Variants in ARHGAP31 observed in about 807,000 individuals in gnomAD.
ARHGAP31 encodes the protein Rho GTPase activating protein 31.
Under a neutral mutation model 113.9 loss-of-function variants are expected in ARHGAP31, and 34 were observed. The ratio of observed to expected loss-of-function variants is 0.30; its 90% CI spans 0.23 to 0.40. ARHGAP31 has a LOEUF of 0.40. Among genes scored for constraint, ARHGAP31 ranks in the 10% least tolerant of loss-of-function variants. The pLI, the probability that ARHGAP31 is intolerant of heterozygous loss-of-function variation, is 1.00. For missense variants in ARHGAP31, 1,548 were observed against 1,767.1 expected (o/e 0.88, Z 2.22); for synonymous variants, 650 against 684.8 (o/e 0.95, Z 0.79).
intron 1 of ARHGAP31, among the ~76,000 whole-genome samples, chr3:119,306,276 CG>C (rs1353567964): frequency 6.6e-6 from 1 of 151,910 alleles, no homozygotes; most frequent in African/African-American, 2.4e-5. Context: ...CAAATGGGGC[CG>C]GGTGTGGTGG....
intron 3 of ARHGAP31, among the ~76,000 whole-genome samples, chr3:119,374,362 A>G (rs564741459): frequency 1.3e-5 from 2 of 152,202 alleles, no homozygotes; most frequent in Admixed American, 1.3e-4. Flanking sequence ...GCCTTCCACC[A>G]TGACTGTTAG....
In ARHGAP31 at chr3:119,383,126, C is replaced by A; in HGVS notation, c.582C>A (p.Ala194=). 2 of 1,614,214 alleles carry A rather than the reference C, an allele frequency of 1.2e-6. No homozygotes were observed. Among genetic ancestry groups the A allele is most frequent in the Non-Finnish European group, 8.5e-7 (1 of 1,180,046 alleles). Residue 194 remains alanine, a synonymous_variant, in exon 6 of 12, where the codon GCC becomes GCA. Coordinates refer to ENST00000264245, the MANE Select transcript of ARHGAP31 (RefSeq NM_020754.4). ...CCACTGGTTGCAATGGAGATGCAGC[C>A]TTCCTTGCAGTCCGGGTCCAGCAGG... ...IEATGCNGDA[A]FLAVRVQQVV...
intron 8 of ARHGAP31, among the ~76,000 whole-genome samples, chr3:119,397,728 G>A (rs1271284604): frequency 1.3e-5 from 2 of 152,174 alleles, no homozygotes; most frequent in African/African-American, 4.8e-5. Context: ...GAAGAACAGG[G>A]GAACTTTAAA....
intron 1 of ARHGAP31, among the ~76,000 whole-genome samples, chr3:119,337,358 G>T (rs1388169952): frequency 6.6e-6 from 1 of 152,218 alleles, no homozygotes. Flanking sequence ...CCTCCCGGTG[G>T]CTTCATGCTC....
intron 1 of ARHGAP31, among the ~76,000 whole-genome samples, chr3:119,317,271 T>C (rs1027523117): frequency 1.3e-5 from 2 of 152,004 alleles, no homozygotes; most frequent in African/African-American, 2.4e-5. Flanking sequence ...CTCCGCCTCC[T>C]GGGTTCACGC....
rs958306638 is a variant in ARHGAP31, at chr3:119,313,173, C to T, written c.100+18169C>T. On this transcript the variant is annotated intron_variant, in intron 1 of 11. Transcript: ENST00000264245. Reference sequence around the variant, plus strand: ...TTATTGTTGTTTAAAATGTAAAAGACTCTAAAGAGTATAGTAAAAAAATTT... The same window carrying T: ...TTATTGTTGTTTAAAATGTAAAAGATTCTAAAGAGTATAGTAAAAAAATTT... Among the ~76,000 whole-genome samples the T allele has an allele frequency of 1.3e-5, 2 of 152,318 alleles. 1 individual carries two copies. The highest frequency in any genetic ancestry group is 4.1e-4 in the South Asian group (2 of 4,828).
chr3:119,399,835 T>C (rs949274437), intron 9 of ARHGAP31, among the ~76,000 whole-genome samples: 1 of 152,220 alleles, frequency 6.6e-6, no homozygotes, highest in Non-Finnish European at 1.5e-5. Flanking sequence ...TTTGTTGGAG[T>C]AGACGTGTAT....
chr3:119,337,004 CTAA>C (rs1221661552), intron 1 of ARHGAP31, among the ~76,000 whole-genome samples: 2 of 152,258 alleles, frequency 1.3e-5, no homozygotes, highest in South Asian at 2.1e-4. Flanking sequence ...TTTTTATTAC[CTAA>C]TAATATTCTA....
At chr3:119,364,338 T>C (rs1034612004) in intron 1 of ARHGAP31, among the ~76,000 whole-genome samples, 1 of 152,352 alleles carries the variant, frequency 6.6e-6, no homozygotes, top group Admixed American at 6.5e-5. Flanking sequence ...CAGTCTTTTT[T>C]CCTTCGAATT....
rs2080768380 is a variant in ARHGAP31, at chr3:119,415,561, A to T, written c.3632A>T (p.Gln1211Leu). 3 of 1,614,046 alleles carry T rather than the reference A, an allele frequency of 1.9e-6. No homozygotes were observed. The African/African-American group carries it at 4.0e-5, about 22-fold the overall frequency. ...PVIPPKIQYT[Q>L]IPQPLPSQSS... ...ATCCCTCCCAAGATTCAGTACACCC[A>T]GATCCCACAGCCCCTGCCCTCTCAG... Residue 1211 changes from glutamine to leucine, a missense_variant, in exon 12 of 12, where the codon CAG becomes CTG. Physicochemically the swap from Gln to Leu is moderately radical, Grantham distance 113. Transcript: ENST00000264245.
At chr3:119,350,024 A>AT (rs1024499765) in intron 1 of ARHGAP31, among the ~76,000 whole-genome samples, 19 of 152,156 alleles carry the variant, frequency 1.2e-4, no homozygotes, top group African/African-American at 4.1e-4. Flanking sequence ...AGATTTGGTG[A>AT]TTTTTTTTCT....
rs2080772351 is a variant in ARHGAP31, at chr3:119,415,925, T to G, written c.3996T>G (p.Gly1332=). 6.2e-7 allele frequency: 1 copy of G among 1,613,844 alleles called. No individual in the cohort carries two copies. The highest frequency in any genetic ancestry group is 1.7e-5 in the Admixed American group (1 of 59,994). ...LSSKLERPSG[G]SKPFHRSRPG... is the part of the protein sequence containing the mutation. Reference sequence around the variant, plus strand: ...CAAAACTAGAGCGACCATCTGGGGGTTCTAAGCCTTTCCACAGGTCAAGGC... The same window carrying G: ...CAAAACTAGAGCGACCATCTGGGGGGTCTAAGCCTTTCCACAGGTCAAGGC... Residue 1332 remains glycine (G), a synonymous_variant, in exon 12 of 12, where the codon GGT becomes GGG. Coordinates refer to ENST00000264245, the MANE Select transcript of ARHGAP31 (RefSeq NM_020754.4).
Position 119,415,726 on chromosome 3 carries a change from A to G in ARHGAP31, c.3797A>G (p.Asp1266Gly). The G allele has an allele frequency of 6.2e-7, 1 of 1,614,066 alleles. No homozygotes were observed. The highest frequency in any genetic ancestry group is 8.5e-7 in the Non-Finnish European group (1 of 1,179,992). ...TCAAAGGAAGAAAAACCAAAGCAAG[A>G]TCCCGGAGCCATTAAGTCCTCACCA... ...ESSKEEKPKQ[D>G]PGAIKSSPVD... The change falls in exon 12 of 12, where the codon GAT (aspartate) becomes GGT (glycine). Residue 1266 changes from aspartate (D) to glycine (G), a missense_variant. Physicochemically the swap from Asp to Gly is moderately conservative, Grantham distance 94 (BLOSUM62 -1). Transcript: ENST00000264245.
chr3:119,363,597 T>C (rs139929608), intron 1 of ARHGAP31, among the ~76,000 whole-genome samples: 2 of 152,062 alleles, frequency 1.3e-5, no homozygotes, highest in Admixed American at 1.3e-4. Flanking sequence ...CACTTAAAAT[T>C]ACAGTTACTT....
intron 1 of ARHGAP31, among the ~76,000 whole-genome samples, chr3:119,342,308 T>C (rs1402641658): frequency 2.6e-5 from 4 of 152,164 alleles, no homozygotes; most frequent in African/African-American, 7.2e-5. Flanking sequence ...CATTCATGTG[T>C]AAATGGAAAT....
intron 1 of ARHGAP31, among the ~76,000 whole-genome samples, chr3:119,359,178 C>A (rs555616884): frequency 6.6e-6 from 1 of 151,776 alleles, no homozygotes; most frequent in Non-Finnish European, 1.5e-5. Flanking sequence ...CCACCATGCC[C>A]GGCTAGTTTT....
chr3:119,381,927 A>C (rs891673523), intron 4 of ARHGAP31, among the ~76,000 whole-genome samples: 6 of 146,092 alleles, frequency 4.1e-5, no homozygotes, highest in Non-Finnish European at 8.9e-5. Flanking sequence ...CGGAGCTTGC[A>C]GTGAGCTGAG....
intron 11 of ARHGAP31, among the ~76,000 whole-genome samples, chr3:119,413,199 C>A (rs2080732539): frequency 6.6e-6 from 1 of 151,740 alleles, no homozygotes; most frequent in South Asian, 2.1e-4. Flanking sequence ...CACCTGTAAT[C>A]CCAGCTACTT....
At chr3:119,361,077 A>G (rs1473548424) in intron 1 of ARHGAP31, among the ~76,000 whole-genome samples, 3 of 152,208 alleles carry the variant, frequency 2.0e-5, no homozygotes, top group Admixed American at 2.0e-4. Flanking sequence ...GGTGTCCCCA[A>G]TCTGATAGGA....
Sources: gnomAD v4.1 joint callset for allele counts (sites outside exome capture counted in the v4.1 genomes callset) on GRCh38, gnomAD v4.1.1 for gene constraint, MANE v1.5 for transcripts, NCBI Gene and HGNC (gene_info 2026-07-23, HGNC 2026-07-21) for gene names.